The following ABCA7 variants were observed in gnomAD, a reference collection of about 807,000 sequenced individuals.
ABCA7 encodes the protein ATP binding cassette subfamily A member 7, also known as phospholipid-transporting ATPase ABCA7.
A neutral mutation model predicts 227.6 loss-of-function variants in ABCA7; 261 were observed. The ratio of observed to expected loss-of-function variants is 1.15; its 90% CI spans 1.04 to 1.27. The LOEUF (loss-of-function observed/expected upper bound fraction) is 1.27, where lower values mean the gene tolerates loss of function less well. Among genes scored for constraint, ABCA7 ranks in the 50% most tolerant of loss-of-function variants. The pLI is 0.00. For synonymous variants in ABCA7, 1,488 were observed against 1,279.7 expected (o/e 1.16, Z -3.47); for missense variants, 3,331 against 2,924.5 (o/e 1.14, Z -3.21).
Position 1,054,462 on chromosome 19 carries a change from TA to T in ABCA7, c.3727-107del. 1 of 1,559,496 alleles carries T rather than the reference TA, an allele frequency of 6.4e-7. No individual in the cohort carries two copies. On this transcript the variant is annotated intron_variant, in intron 27 of 46. Coordinates refer to ENST00000263094, the MANE Select transcript of ABCA7 (RefSeq NM_019112.4). The surrounding 1 kb of genome is among the most constrained non-coding windows in gnomAD (Gnocchi z 4.8). ...GTGTATTCCCAACCCAAAGCACATT[TA>T]TTGAGGGCACTGGGGAGCCATGGGT...
At chr19:1,048,511 A>G (rs1230912053) in intron 16 of ABCA7, among the ~76,000 whole-genome samples, 1 of 28,336 alleles carries the variant, frequency 3.5e-5, no homozygotes, top group African/African-American at 1.3e-4. Context: ...AAAAAAAAAC[A>G]AAAAAAAAAA....
intron 13 of ABCA7, 44 bp downstream of exon 13, chr19:1,046,450 G>A (rs767969148): frequency 4.0e-6 from 6 of 1,512,466 alleles, no homozygotes; most frequent in Non-Finnish European, 2.6e-6. Flanking sequence ...CGGCGGGAAG[G>A]TCCCGGGTGT....
chr19:1,061,271 C>G (rs1473559973), intron 40 of ABCA7, among the ~76,000 whole-genome samples: 1 of 151,834 alleles, frequency 6.6e-6, no homozygotes, highest in East Asian at 1.9e-4. Context: ...GTGGCACACG[C>G]CTGTAGTCCC....
rs368794748 is a variant in ABCA7 at position 1,041,998 on chromosome 19, C to T, written c.302+26C>T. On this transcript the variant is annotated intron_variant, in intron 4 of 46. Transcript: ENST00000263094. The stretch of plus-strand genomic sequence containing the variant: ...GTGAGCCAGAGGCAGTGGGTGCGGC[C>T]GGCCTGCAAACTCGGGGCTGCAGTG... 8.2e-6 allele frequency: 13 copies of T among 1,576,424 alleles called. 1 individual carries two copies. In the Admixed American group the frequency reaches 1.1e-4, roughly 13 times the overall value.
chr19:1,043,596 G>A, intron 9 of ABCA7, 123 bp downstream of exon 9: 2 of 1,566,336 alleles, frequency 1.3e-6, no homozygotes, highest in Non-Finnish European at 8.7e-7. Flanking sequence ...GTAGGAGTTA[G>A]CCGATGGAGG....
At position 1,063,801 on chromosome 19, in the gene ABCA7, C is replaced by A; in HGVS notation, c.5889C>A (p.Phe1963Leu). The change falls in exon 44 of 47, where the codon TTC (phenylalanine) becomes TTA (leucine). Residue 1963 changes from phenylalanine (F) to leucine (L), a missense_variant. Transcript: ENST00000263094. ...GCATGGACCCCAGCGCGCGGCGCTT[C>A]CTTTGGAACAGCCTTTTGGCCGTGG... Reference protein sequence around the residue: ...TTGMDPSARRFLWNSLLAVVR... With the variant: ...TTGMDPSARRLLWNSLLAVVR... 6.5e-7 allele frequency: 1 copy of A among 1,546,514 alleles called. No homozygotes were observed. Among genetic ancestry groups the A allele is most frequent in the Non-Finnish European group, 8.7e-7 (1 of 1,145,690 alleles).
At position 1,051,065 on chromosome 19, in the gene ABCA7, AG is replaced by A; in HGVS notation, c.2684+15del. On this transcript the variant is annotated intron_variant, in intron 19 of 46. Coordinates refer to ENST00000263094, the MANE Select transcript of ABCA7 (RefSeq NM_019112.4). ...TGCTGTTTGACATGTGCGTCTCGGC[AG>A]GCCCAGAGTGCAGCGGTGGGAAGGG... is the stretch of plus-strand genomic sequence containing the variant. 6.2e-7 allele frequency: 1 copy of A among 1,610,612 alleles called. No individual in the cohort carries two copies. Among genetic ancestry groups the A allele is most frequent in the Non-Finnish European group, 8.5e-7 (1 of 1,178,656 alleles).
intron 18 of ABCA7, among the ~76,000 whole-genome samples, 154 bp from the exon 19 acceptor site, chr19:1,050,767 G>C (rs1320952132): frequency 3.5e-5 from 5 of 141,194 alleles, no homozygotes; most frequent in African/African-American, 1.3e-4. Context: ...GCAACAGAGT[G>C]AAACTCCGTC....
chr19:1,058,773 G>A, intron 38 of ABCA7, 26 bp downstream of exon 38: 2 of 1,607,152 alleles, frequency 1.2e-6, no homozygotes, highest in Non-Finnish European at 1.7e-6. Flanking sequence ...GGAGAGGGTG[G>A]CAGGGGCCAA....
chr19:1,049,160 T>C (rs2041099743), intron 17 of ABCA7, 106 bp from the exon 18 acceptor site: 2 of 1,355,850 alleles, frequency 1.5e-6, no homozygotes, highest in African/African-American at 1.5e-5. Flanking sequence ...GCAGCTTTTA[T>C]AGGCCCCGGC....
Position 1,043,959 on chromosome 19 carries a change from A to G in ABCA7, c.1047+118A>G, listed in dbSNP as rs373813855. The G allele has an allele frequency of 2.2e-4, 168 of 768,158 alleles. 2 individuals carry two copies. In the East Asian group the frequency reaches 3.2e-3, roughly 14 times the overall value. 47.6% of individuals were successfully genotyped at this position (768,158 alleles called of 1,614,324 possible). A position where few individuals can be genotyped will look rare whatever the true frequency, so the allele number is the denominator to read the frequency against. On this transcript the variant is annotated intron_variant, in intron 10 of 46. Coordinates refer to ENST00000263094, the MANE Select transcript of ABCA7 (RefSeq NM_019112.4). ...CCACTTTTTTTTTTTTTTTTTTGAG[A>G]TGGAGTCTCGCTCTGTCGCCCAAGC...
At position 1,063,580 on chromosome 19, in the gene ABCA7, T is replaced by A. The variant is rs751971782; in HGVS notation, c.5749T>A (p.Trp1917Arg). The A allele has an allele frequency of 6.2e-7, 1 of 1,611,000 alleles. No individual in the cohort carries two copies. Among genetic ancestry groups the A allele is most frequent in the Non-Finnish European group, 8.5e-7 (1 of 1,179,910 alleles). ...GSGLARLGLS[W>R]YADRPAGTYS... ...GGGCCTGGCGCGTCTGGGACTCTCA[T>A]GGTACGCAGACCGGCCTGCAGGCAC... Residue 1917 changes from tryptophan to arginine, a missense_variant, in exon 43 of 47, where the codon TGG (tryptophan) becomes AGG (arginine). By Grantham distance (101) the Trp-to-Arg change is moderately radical (BLOSUM62 -3). Coordinates refer to ENST00000263094, the MANE Select transcript of ABCA7 (RefSeq NM_019112.4).
At position 1,044,624 on chromosome 19, in the gene ABCA7, A is replaced by AG; in HGVS notation, c.1097dup (p.Arg367ProfsTer26). ...AAGGAAGAAGGCAGCCCAGACCTGG[A>AG]GGCCGGGACCACATGGAGGCCCTGC... On this transcript the variant is annotated frameshift_variant, in exon 11 of 47. Transcript: ENST00000263094. LOFTEE classifies it high-confidence loss of function. 1 of 1,613,156 alleles carries AG rather than the reference A, an allele frequency of 6.2e-7. No homozygotes were observed. The highest frequency in any genetic ancestry group is 8.5e-7 in the Non-Finnish European group (1 of 1,179,908).
chr19:1,051,582 A>C lies in ABCA7; in HGVS notation c.2958A>C (p.Arg986=). Residue 986 remains arginine (R), a synonymous_variant, in exon 21 of 47, where the codon CGA becomes CGC. Coordinates refer to ENST00000263094, the MANE Select transcript of ABCA7 (RefSeq NM_019112.4). ...RGIWELLLKY[R]EGRTLILSTH... Reference sequence around the variant, plus strand: ...TTTGGGAGCTGCTGCTCAAATACCGAGAAGGTAAGAGCTGGGGATTCTGCT... The same window carrying C: ...TTTGGGAGCTGCTGCTCAAATACCGCGAAGGTAAGAGCTGGGGATTCTGCT... The C allele has an allele frequency of 1.9e-6, 3 of 1,611,566 alleles. No homozygotes were observed. The highest frequency in any genetic ancestry group is 1.1e-5 in the South Asian group (1 of 91,028).
At chr19:1,047,100 T>C in intron 14 of ABCA7, 57 bp from the exon 15 acceptor site, 1 of 1,556,144 alleles carries the variant, frequency 6.4e-7, no homozygotes, top group South Asian at 1.2e-5. Flanking sequence ...CCCACGTGGG[T>C]GCGCGCCCCC....
intron 29 of ABCA7, 68 bp from the exon 30 acceptor site, chr19:1,055,029 C>G (rs1599678205): frequency 1.3e-6 from 2 of 1,540,192 alleles, no homozygotes; most frequent in East Asian, 2.3e-5. Flanking sequence ...CCCCCAGAAG[C>G]TGGGTGCCCA....
Position 1,056,553 on chromosome 19 carries a change from T to TTC in ABCA7, c.4586+58_4586+59dup. ...CCTGCACGTCCTACCCTGCCTCCAT[T>TTC]TCTCTGTCGTTTGGGGTGGTGGGAG... On this transcript the variant is annotated intron_variant, in intron 33 of 46. Coordinates refer to ENST00000263094, the MANE Select transcript of ABCA7 (RefSeq NM_019112.4). This position sits in a 1 kb window ranked among gnomAD's most constrained non-coding sequence, Gnocchi z 4.3. 1 of 1,544,000 alleles carries TTC rather than the reference T, an allele frequency of 6.5e-7. No homozygotes were observed. The highest frequency in any genetic ancestry group is 8.8e-7 in the Non-Finnish European group (1 of 1,141,192).
At position 1,047,185 on chromosome 19, in the gene ABCA7, C is replaced by G. The variant is rs1161356024; in HGVS notation, c.1874C>G (p.Pro625Arg). 6.2e-7 allele frequency: 1 copy of G among 1,604,990 alleles called. No individual in the cohort carries two copies. Among genetic ancestry groups the G allele is most frequent in the East Asian group, 2.3e-5 (1 of 44,110 alleles). ...KLGDILPYSH[P>R]GVVFLFLAAF... Reference sequence around the variant, plus strand: ...GGAGACATCCTCCCCTACAGCCACCCGGGCGTGGTCTTCCTGTTCTTGGCA... The same window carrying G: ...GGAGACATCCTCCCCTACAGCCACCGGGGCGTGGTCTTCCTGTTCTTGGCA... Residue 625 changes from proline to arginine, a missense_variant, in exon 15 of 47, where the codon CCG becomes CGG. Pro to Arg is a moderately radical substitution (Grantham distance 103). Coordinates refer to ENST00000263094, the MANE Select transcript of ABCA7 (RefSeq NM_019112.4).
rs1247695277 is a variant in ABCA7 at position 1,059,018 on chromosome 19, C to T, written c.5401-5C>T. ...CACCTTTCTGAAAGACCTGCACTCT[C>T]CCAGGTATACCGTGGGCAGAGGATG... On this transcript the variant is annotated splice_region_variant and splice_polypyrimidine_tract_variant and intron_variant, in intron 39 of 46. Coordinates refer to ENST00000263094, the MANE Select transcript of ABCA7 (RefSeq NM_019112.4). 6 of 1,613,780 alleles carry T rather than the reference C, an allele frequency of 3.7e-6. No individual in the cohort carries two copies. The African/African-American group carries it at 4.0e-5, about 11-fold the overall frequency.
Sources: allele counts gnomAD v4.1 joint callset (sites outside exome capture counted in the v4.1 genomes callset), GRCh38; gene constraint gnomAD v4.1.1; non-coding constraint Gnocchi (gnomAD v3.1); transcripts MANE v1.5; gene names NCBI Gene and HGNC (gene_info 2026-07-23, HGNC 2026-07-21).